The following MTUS2 variants were observed in gnomAD, a reference collection of about 807,000 sequenced individuals.
MTUS2 encodes microtubule-associated tumor suppressor candidate 2.
MTUS2 carries 40 observed loss-of-function variants against 114.1 expected under a neutral mutation model. The observed-to-expected ratio is 0.35, with a 90% confidence interval of 0.27 to 0.46. The LOEUF (loss-of-function observed/expected upper bound fraction) is 0.46. MTUS2 is among the 20% of genes least tolerant of loss of function. The pLI is 1.00. For synonymous variants in MTUS2, 688 were observed against 672.0 expected (o/e 1.02, Z -0.37); for missense variants, 1,679 against 1,705.4 (o/e 0.98, Z 0.27).
At chr13:28,833,881 C>T (rs191370597) in intron 1 of MTUS2, among the ~76,000 whole-genome samples, 1 of 152,014 alleles carries the variant, frequency 6.6e-6, no homozygotes, top group Non-Finnish European at 1.5e-5. Flanking sequence ...TTGTATTTCT[C>T]TGCACTTACA....
At chr13:29,244,815 G>T (rs1416453723) in intron 5 of MTUS2, among the ~76,000 whole-genome samples, 1 of 150,484 alleles carries the variant, frequency 6.6e-6, no homozygotes, top group Non-Finnish European at 1.5e-5. Flanking sequence ...AATTAGCCGG[G>T]CATAGTGGCG....
At chr13:28,943,929 ATTTAC>A (rs1373929222) in intron 2 of MTUS2, among the ~76,000 whole-genome samples, 2 of 152,096 alleles carry the variant, frequency 1.3e-5, no homozygotes, top group African/African-American at 2.4e-5. Context: ...AAAAAAATCA[ATTTAC>A]TTAACAAAAA....
chr13:29,369,456 T>C (rs1355133347), intron 8 of MTUS2, among the ~76,000 whole-genome samples: 1 of 152,204 alleles, frequency 6.6e-6, no homozygotes, highest in East Asian at 1.9e-4. Flanking sequence ...CAGTCCTGCC[T>C]ATTCCACAAA....
chr13:29,164,518 AG>A (rs1458183595), intron 5 of MTUS2, among the ~76,000 whole-genome samples: 1 of 152,196 alleles, frequency 6.6e-6, no homozygotes, highest in Non-Finnish European at 1.5e-5. Flanking sequence ...GGTTATTGAC[AG>A]GGTTCTTGGG....
At chr13:28,892,969 A>G (rs559629491) in intron 2 of MTUS2, among the ~76,000 whole-genome samples, 1 of 152,092 alleles carries the variant, frequency 6.6e-6, no homozygotes, top group Admixed American at 6.6e-5. Context: ...AGATGTGAGG[A>G]GTCTTGGGGT....
intron 2 of MTUS2, among the ~76,000 whole-genome samples, chr13:28,856,809 A>G (rs1469172133): frequency 6.6e-6 from 1 of 152,208 alleles, no homozygotes; most frequent in Non-Finnish European, 1.5e-5. Context: ...AAAGAGTCCT[A>G]TTTCGCATCT....
At chr13:29,379,441 AC>A (rs1237301231) in intron 8 of MTUS2, among the ~76,000 whole-genome samples, 3 of 152,146 alleles carry the variant, frequency 2.0e-5, no homozygotes, top group African/African-American at 2.4e-5. Flanking sequence ...ACCTACATGG[AC>A]CTGACCACCA....
At chr13:28,948,530 T>G (rs1882648923) in intron 2 of MTUS2, among the ~76,000 whole-genome samples, 1 of 152,076 alleles carries the variant, frequency 6.6e-6, no homozygotes, top group African/African-American at 2.4e-5. Context: ...GTGCGTGAGG[T>G]TCCTCTATTA....
At chr13:29,158,358 C>CCCCCCCTCTTT in intron 5 of MTUS2, among the ~76,000 whole-genome samples, 26 of 32,050 alleles carry the variant, frequency 8.1e-4, no homozygotes, top group African/African-American at 1.9e-3. Flanking sequence ...GTCCACCCCG[C>CCCCCCCTCTTT]TTTTTTTTTT....
chr13:29,392,550 G>A (rs1369479614), intron 8 of MTUS2, among the ~76,000 whole-genome samples: 1 of 152,142 alleles, frequency 6.6e-6, no homozygotes, highest in African/African-American at 2.4e-5. Flanking sequence ...TTTAAAGTCA[G>A]GCATATTGAG....
chr13:29,265,329 C>T (rs4769009), intron 5 of MTUS2, among the ~76,000 whole-genome samples: 62,706 of 152,046 alleles, frequency 0.41, 13,310 homozygotes, highest in Admixed American at 0.5. Context: ...GTCCATATCA[C>T]TATCAGCATT....
rs750106852 is a variant in MTUS2 at position 29,496,047 on chromosome 13, G to A, written c.3580-1191G>A. On this transcript the variant is annotated intron_variant, in intron 12 of 15. Transcript: ENST00000612955. This position sits in a 1 kb window ranked among gnomAD's most constrained non-coding sequence, Gnocchi z 4.3. The stretch of plus-strand genomic sequence containing the variant: ...GTCCTGTGCAAAGAGCTTTGGACTG[G>A]TCTGCATGAGTGAGACATGAAGGGT... Among the ~76,000 whole-genome samples the A allele has an allele frequency of 3.3e-5, 5 of 152,150 alleles. No homozygotes were observed. Among genetic ancestry groups the A allele is most frequent in the Non-Finnish European group, 7.3e-5 (5 of 68,030 alleles).
At chr13:28,992,326 A>G (rs1884898577) in intron 2 of MTUS2, among the ~76,000 whole-genome samples, 1 of 152,202 alleles carries the variant, frequency 6.6e-6, no homozygotes, top group African/African-American at 2.4e-5. Flanking sequence ...TGTTTTTTCC[A>G]TGGTGGCAAG....
chr13:29,014,288 CAA>C (rs1197131438), intron 2 of MTUS2, among the ~76,000 whole-genome samples: 3 of 152,218 alleles, frequency 2.0e-5, no homozygotes, highest in Non-Finnish European at 4.4e-5. Flanking sequence ...ATTTATAAAA[CAA>C]GAGGGCTGAA....
At chr13:29,281,963 A>G in intron 6 of MTUS2, 98 bp downstream of exon 6, 1 of 1,300,116 alleles carries the variant, frequency 7.7e-7, no homozygotes, top group South Asian at 1.6e-5. Context: ...GTTATTTAGA[A>G]GGGATGATTG....
At chr13:28,880,139 T>A (rs1264215684) in intron 2 of MTUS2, among the ~76,000 whole-genome samples, 1 of 152,212 alleles carries the variant, frequency 6.6e-6, no homozygotes, top group Non-Finnish European at 1.5e-5. Context: ...TGGTTAATAA[T>A]GTGATTTAAG....
chr13:28,941,417 C>G (rs764508643), intron 2 of MTUS2, among the ~76,000 whole-genome samples: 1 of 151,866 alleles, frequency 6.6e-6, no homozygotes, highest in Non-Finnish European at 1.5e-5. Context: ...ATATTTAGAA[C>G]AATAACAAAT....
intron 9 of MTUS2, among the ~76,000 whole-genome samples, chr13:29,469,086 T>C (rs1233676260): frequency 2.6e-5 from 4 of 152,182 alleles, no homozygotes; most frequent in Non-Finnish European, 5.9e-5. Context: ...GTGCCCAACC[T>C]CCTCGTTTGA....
At chr13:29,233,128 G>A (rs1403384099) in intron 5 of MTUS2, among the ~76,000 whole-genome samples, 1 of 151,966 alleles carries the variant, frequency 6.6e-6, no homozygotes, top group African/African-American at 2.4e-5. Flanking sequence ...TGAAAAATAG[G>A]TTAATAAGGT....
Sources: allele counts gnomAD v4.1 joint callset (sites outside exome capture counted in the v4.1 genomes callset), GRCh38; gene constraint gnomAD v4.1.1; non-coding constraint Gnocchi (gnomAD v3.1); transcripts MANE v1.5; gene names NCBI Gene and HGNC (gene_info 2026-07-23, HGNC 2026-07-21).